The following KDR variants were observed in gnomAD, a reference collection of about 807,000 sequenced individuals.
KDR encodes kinase insert domain receptor.
Under a neutral mutation model 160.9 loss-of-function variants are expected in KDR, and 43 were observed. The ratio of observed to expected loss-of-function variants is 0.27; its 90% CI spans 0.21 to 0.34. KDR has a LOEUF of 0.34. Ranked by LOEUF, KDR falls within the 10% of genes least tolerant of loss-of-function variation. The pLI is 1.00. For missense variants in KDR, 1,469 were observed against 1,666.4 expected (o/e 0.88, Z 2.06); for synonymous variants, 617 against 600.1 (o/e 1.03, Z -0.41).
rs1433450984 is a variant in KDR, at chr4:55,115,427, G to A, written c.359-16C>T. ...GATCTGTAATCTAGAAGAAAATTTAGTTTTATTAATGAGTTAATAGTATTT... is the reference window on the plus strand; with the variant it reads ...GATCTGTAATCTAGAAGAAAATTTAATTTTATTAATGAGTTAATAGTATTT... On this transcript the variant is annotated splice_polypyrimidine_tract_variant and intron_variant, in intron 3 of 29. Transcript: ENST00000263923. The A allele has an allele frequency of 7.2e-7, 1 of 1,387,444 alleles. No homozygotes were observed. The highest frequency in any genetic ancestry group is 1.2e-5 in the South Asian group (1 of 86,266). 85.9% of individuals were successfully genotyped at this position (1,387,444 alleles called of 1,614,324 possible).
chr4:55,110,261 A>G, intron 9 of KDR, 142 bp downstream of exon 9: 1 of 853,112 alleles, frequency 1.2e-6, no homozygotes, highest in Non-Finnish European at 2.0e-6. Flanking sequence ...CTTCAGCTTC[A>G]CCACGCCAGA....
chr4:55,088,035 G>T (rs188112772), intron 26 of KDR, among the ~76,000 whole-genome samples: 1 of 152,258 alleles, frequency 6.6e-6, no homozygotes, highest in East Asian at 1.9e-4. Flanking sequence ...GGTCAGAGAG[G>T]TAACAACAGA....
At chr4:55,118,574 G>A (rs190953727) in intron 3 of KDR, 30 bp downstream of exon 3, 71 of 1,547,688 alleles carry the variant, frequency 4.6e-5, no homozygotes, top group Non-Finnish European at 5.8e-5. Context: ...GTAAAGAGAC[G>A]TGGGAAATGA....
In KDR at chr4:55,078,636, CTATAAA is replaced by C. The variant is rs890151886; in HGVS notation, c.*1299_*1304del. 1 of 232,486 alleles carries C rather than the reference CTATAAA, an allele frequency of 4.3e-6. No homozygotes were observed. Among genetic ancestry groups the C allele is most frequent in the African/African-American group, 2.2e-5 (1 of 45,278 alleles). The allele number at this position is 232,486 out of a possible 1,614,324, so 14.4% of individuals were successfully genotyped here. A position where few individuals can be genotyped will look rare whatever the true frequency, so the allele number is the denominator to read the frequency against. ...TTACATTTGTTTCTACATAAACAGACTATAAATATATGTGCCATAGCATGTCTTATA... is the reference window on the plus strand; with the variant it reads ...TTACATTTGTTTCTACATAAACAGACTATATGTGCCATAGCATGTCTTATA... On this transcript the variant is annotated 3_prime_UTR_variant, in exon 30 of 30. Coordinates refer to ENST00000263923, the MANE Select transcript of KDR (RefSeq NM_002253.4).
intron 5 of KDR, 37 bp downstream of exon 5, chr4:55,114,837 A>G: frequency 1.3e-6 from 2 of 1,501,852 alleles, no homozygotes; most frequent in East Asian, 4.5e-5. Flanking sequence ...ATACAAGGAT[A>G]TGTTATTAAT....
chr4:55,118,781 A>C lies in KDR; in HGVS notation c.181T>G (p.Trp61Gly). ...CCACTCTGATTATTGGGCCAAAGCC[A>C]GTCCAAGTCCCTCTGTCCCCTGAAA... ...ITCRGQRDLD[W>G]LWPNNQSGSE... Residue 61 changes from tryptophan to glycine, a missense_variant, in exon 3 of 30, where the codon TGG becomes GGG. This residue lies in a region of KDR where 792 missense variants were observed against 840.9 expected (regional missense o/e 0.94). Coordinates refer to ENST00000263923, the MANE Select transcript of KDR (RefSeq NM_002253.4). The C allele has an allele frequency of 6.2e-7, 1 of 1,614,186 alleles. No homozygotes were observed.
At chr4:55,124,186 G>A (rs1458820) in intron 1 of KDR, among the ~76,000 whole-genome samples, 143,535 of 152,266 alleles carry the variant, frequency 0.94, 67,682 homozygotes, top group East Asian at 1. Context: ...TTGTCTTAGG[G>A]AGTAAGAAAT....
intron 18 of KDR, chr4:55,096,553 A>G (rs1005576240): frequency 1.0e-5 from 6 of 578,328 alleles, no homozygotes; most frequent in African/African-American, 7.5e-5. Context: ...TGAGCCAGAA[A>G]GTTTGATATT....
chr4:55,116,219 C>T (rs903664720), intron 3 of KDR, among the ~76,000 whole-genome samples: 15 of 151,960 alleles, frequency 9.9e-5, no homozygotes, highest in African/African-American at 3.4e-4. Flanking sequence ...GAGTTTGAGA[C>T]CAGCCTGACC....
chr4:55,098,822 A>G lies in KDR; in HGVS notation c.2267-19T>C. The G allele has an allele frequency of 1.3e-6, 2 of 1,535,952 alleles. No individual in the cohort carries two copies. Among genetic ancestry groups the G allele is most frequent in the Non-Finnish European group, 1.8e-6 (2 of 1,109,058 alleles). On this transcript the variant is annotated intron_variant, in intron 15 of 29. Coordinates refer to ENST00000263923, the MANE Select transcript of KDR (RefSeq NM_002253.4). ...TGGGCACCTGGAAAGACACAATTGA[A>G]TGAGTATCAACAGTTGGAAACTTAT... is the stretch of plus-strand genomic sequence containing the variant.
Position 55,121,114 on chromosome 4 carries a change from A to G in KDR, c.144T>C (p.Thr48=), listed in dbSNP as rs765233143. ...KDILTIKANT[T]LQITCRGQRD... ...ATCCTTACCTGCAAGTAATTTGAAG[A>G]GTTGTATTAGCCTTAATTGTAAGTA... Residue 48 remains threonine, a synonymous_variant, in exon 2 of 30, where the codon ACT becomes ACC. Transcript: ENST00000263923. 1 of 1,611,282 alleles carries G rather than the reference A, an allele frequency of 6.2e-7. No homozygotes were observed. Among genetic ancestry groups the G allele is most frequent in the Non-Finnish European group, 8.5e-7 (1 of 1,177,524 alleles).
At position 55,104,700 on chromosome 4, in the gene KDR, C is replaced by T. The variant is rs759802154; in HGVS notation, c.1930G>A (p.Ala644Thr). 20 of 1,613,732 alleles carry T rather than the reference C, an allele frequency of 1.2e-5. No homozygotes were observed. The highest frequency in any genetic ancestry group is 1.6e-5 in the Non-Finnish European group (19 of 1,179,868). ...LQDQGDYVCL[A>T]QDRKTKKRHC... ...CTTTTCTTGGTCTTCCTGTCTTGAG[C>T]AAGGCAGACATAGTCTCCTTGGTCC... Residue 644 changes from alanine to threonine, a missense_variant, in exon 13 of 30, where the codon GCT becomes ACT. Physicochemically the swap from Ala to Thr is moderately conservative, Grantham distance 58. Around this residue, in one of 7 missense-constraint regions of KDR, gnomAD observed 792 missense variants for 840.9 expected, o/e 0.94. Transcript: ENST00000263923.
rs750374928 is a variant in KDR, at chr4:55,104,625, C to G, written c.1987+18G>C. The G allele has an allele frequency of 1.2e-6, 2 of 1,602,776 alleles. No individual in the cohort carries two copies. Among genetic ancestry groups the G allele is most frequent in the African/African-American group, 2.7e-5 (2 of 74,694 alleles). On this transcript the variant is annotated intron_variant, in intron 13 of 29. Coordinates refer to ENST00000263923, the MANE Select transcript of KDR (RefSeq NM_002253.4). ...ATTCCAACTGCCTCTGCACAATGAT[C>G]CAGAATTGTCTCCCTACCTAGGACT...
intron 7 of KDR, among the ~76,000 whole-genome samples, chr4:55,112,090 A>G (rs1720599859): frequency 6.6e-6 from 1 of 152,240 alleles, no homozygotes; most frequent in Admixed American, 6.5e-5. Flanking sequence ...GAAAGAGAAT[A>G]AACAAAAAAT....
intron 22 of KDR, 39 bp from the exon 23 acceptor site, chr4:55,090,117 G>A (rs1719971607): frequency 1.2e-6 from 2 of 1,612,020 alleles, no homozygotes; most frequent in Non-Finnish European, 1.7e-6. Context: ...TCTCGGCACA[G>A]CTGATCTCTT....
intron 21 of KDR, among the ~76,000 whole-genome samples, chr4:55,093,433 G>C (rs549160798): frequency 1.3e-5 from 2 of 152,152 alleles, no homozygotes; most frequent in Non-Finnish European, 2.9e-5. Context: ...ACAAATACCA[G>C]AGTAAACAAA....
chr4:55,104,301 A>G (rs967157659), intron 13 of KDR, among the ~76,000 whole-genome samples: 3 of 152,124 alleles, frequency 2.0e-5, no homozygotes, highest in Non-Finnish European at 2.9e-5. Flanking sequence ...TACCACTGTG[A>G]ATTTCTGACA....
rs1720859653 is a variant in KDR at position 55,121,060 on chromosome 4, T to C, written c.161+37A>G. 6.4e-6 allele frequency: 9 copies of C among 1,399,810 alleles called. No individual in the cohort carries two copies. In the East Asian group the frequency reaches 2.1e-4, roughly 32 times the overall value. 86.7% of individuals were successfully genotyped at this position (1,399,810 alleles called of 1,614,324 possible). ...TTCCACTCAATAAACAATCAGTTAC[T>C]TAACACAAGAAATCTAGATCTAGAA... On this transcript the variant is annotated intron_variant, in intron 2 of 29. Coordinates refer to ENST00000263923, the MANE Select transcript of KDR (RefSeq NM_002253.4).
At chr4:55,124,331 G>C (rs1174571466) in intron 1 of KDR, among the ~76,000 whole-genome samples, 2 of 152,120 alleles carry the variant, frequency 1.3e-5, no homozygotes, top group African/African-American at 4.8e-5. Context: ...GGTTGAGAGA[G>C]AAAGGAAAGT....
Sources: gnomAD v4.1 joint callset for allele counts (sites outside exome capture counted in the v4.1 genomes callset) on GRCh38, gnomAD v4.1.1 for gene constraint, gnomAD v4.1.1 regional missense constraint, MANE v1.5 for transcripts, NCBI Gene and HGNC (gene_info 2026-07-23, HGNC 2026-07-21) for gene names.